Variants in HNRNPUL2 observed in about 807,000 individuals in gnomAD.
The protein encoded by HNRNPUL2 is heterogeneous nuclear ribonucleoprotein U-like protein 2.
Under a neutral mutation model 102.2 loss-of-function variants are expected in HNRNPUL2, and 27 were observed. That is an observed-to-expected ratio of 0.26 (90% CI 0.19 to 0.36). The LOEUF (loss-of-function observed/expected upper bound fraction) is 0.36. HNRNPUL2 is among the 10% of genes least tolerant of loss of function. HNRNPUL2 has a pLI of 1.00. For synonymous variants in HNRNPUL2, 458 were observed against 387.2 expected (o/e 1.18, Z -2.15); for missense variants, 936 against 981.1 (o/e 0.95, Z 0.61).
rs2083647762 is a variant in HNRNPUL2 at position 62,714,960 on chromosome 11, T to C, written c.*339A>G. ...ATGTCAGAAGGGTGCCATTTTCAGT[T>C]CTTTTCCTGTCTGACTGTAGGGTAT... On this transcript the variant is annotated 3_prime_UTR_variant, in exon 14 of 14. Transcript: ENST00000301785. 4 of 201,170 alleles carry C rather than the reference T, an allele frequency of 2.0e-5. No individual in the cohort carries two copies. In the South Asian group the frequency reaches 3.7e-4, roughly 19 times the overall value. The allele number at this position is 201,170 out of a possible 1,614,324, so 12.5% of individuals were successfully genotyped here.
intron 9 of HNRNPUL2, among the ~76,000 whole-genome samples, chr11:62,720,546 CAAAAAAAAAA>C (rs148876571): frequency 7.6e-5 from 10 of 131,518 alleles, no homozygotes; most frequent in African/African-American, 2.9e-4. Flanking sequence ...GATTCCATCT[CAAAAAAAAAA>C]AAAAAAAAAA....
chr11:62,723,778 G>T (rs574978813), intron 3 of HNRNPUL2, 52 bp from the exon 4 acceptor site: 1 of 1,611,230 alleles, frequency 6.2e-7, no homozygotes. Flanking sequence ...CTTGTAAGCC[G>T]CCAACAGAGC....
intron 10 of HNRNPUL2, among the ~76,000 whole-genome samples, chr11:62,718,585 CA>C (rs2083677285): frequency 6.6e-6 from 1 of 150,490 alleles, no homozygotes; most frequent in Non-Finnish European, 1.5e-5. Flanking sequence ...CCCAGCTACT[CA>C]AGAGGCTGAG....
In HNRNPUL2 at chr11:62,722,228, C is replaced by T; in HGVS notation, c.1248G>A (p.Gln416=). ...GTGGTGGGAAGAAGGGCTCCTCCTT[C>T]TGACCGAAGTTTAATTCTACAACAC... ...KNCVVELNFG[Q]KEEPFFPPPE... The change falls in exon 7 of 14, where the codon CAG becomes CAA. Residue 416 remains glutamine, a synonymous_variant. Coordinates refer to ENST00000301785, the MANE Select transcript of HNRNPUL2 (RefSeq NM_001079559.3). The T allele has an allele frequency of 3.1e-6, 5 of 1,614,176 alleles. No individual in the cohort carries two copies. Among genetic ancestry groups the T allele is most frequent in the Non-Finnish European group, 4.2e-6 (5 of 1,180,026 alleles).
chr11:62,722,839 G>C lies in HNRNPUL2; in HGVS notation c.956C>G (p.Ser319Cys), dbSNP rs760788798. The C allele has an allele frequency of 1.9e-6, 3 of 1,614,082 alleles. No individual in the cohort carries two copies. The South Asian group carries it at 3.3e-5, about 18-fold the overall frequency. ...TEVSLLRVGWSVDFSRPQLGE... is the reference protein window; with the variant it reads ...TEVSLLRVGWCVDFSRPQLGE... ...AAGCTGTGGACGGGAAAAATCAACA[G>C]ACCACCCAACTCGAAGGAGAGAGAC... The change falls in exon 5 of 14, where the codon TCT (serine) becomes TGT (cysteine). Residue 319 changes from serine to cysteine, a missense_variant. Coordinates refer to ENST00000301785, the MANE Select transcript of HNRNPUL2 (RefSeq NM_001079559.3).
Position 62,715,908 on chromosome 11 carries a change from G to T in HNRNPUL2, c.2011C>A (p.Arg671=). ...VGGQRRGYDN[R]AYGQQYWGQP... Reference sequence around the variant, plus strand: ...CCCCAGTACTGCTGCCCGTAGGCCCGGTTGTCGTAGCCTCGGCGCTGCCCG... The same window carrying T: ...CCCCAGTACTGCTGCCCGTAGGCCCTGTTGTCGTAGCCTCGGCGCTGCCCG... Residue 671 remains arginine, a synonymous_variant, in exon 12 of 14, where the codon CGG becomes AGG. Transcript: ENST00000301785. The T allele has an allele frequency of 2.5e-6, 4 of 1,611,630 alleles. No individual in the cohort carries two copies. The highest frequency in any genetic ancestry group is 3.4e-6 in the Non-Finnish European group (4 of 1,178,902).
In HNRNPUL2 at chr11:62,723,743, A is replaced by T. The variant is rs2083722398; in HGVS notation, c.752-17T>A. ...CCGAGGTATCTGTAAAGAAAGAAGC[A>T]ATCAGTTTACTCCAATGTCCAATAC... On this transcript the variant is annotated splice_polypyrimidine_tract_variant and intron_variant, in intron 3 of 13. Transcript: ENST00000301785. The T allele has an allele frequency of 1.9e-6, 3 of 1,614,060 alleles. No homozygotes were observed. In the African/African-American group the frequency reaches 4.0e-5, roughly 22 times the overall value.
intron 4 of HNRNPUL2, among the ~76,000 whole-genome samples, chr11:62,723,190 T>TA (rs980795813): frequency 2.6e-5 from 4 of 152,142 alleles, no homozygotes; most frequent in African/African-American, 9.7e-5. Context: ...ACGGTCTTTT[T>TA]AAAAAAATAT....
chr11:62,718,879 G>T (rs2083679986), intron 10 of HNRNPUL2, among the ~76,000 whole-genome samples: 1 of 151,242 alleles, frequency 6.6e-6, no homozygotes, highest in African/African-American at 2.4e-5. Context: ...AGGCTGGAGT[G>T]CAGTGGCACA....
At position 62,720,164 on chromosome 11, in the gene HNRNPUL2, G is replaced by A. The variant is rs761865412; in HGVS notation, c.1639C>T (p.Arg547Trp). 6 of 1,613,848 alleles carry A rather than the reference G, an allele frequency of 3.7e-6. No homozygotes were observed. Among genetic ancestry groups the A allele is most frequent in the Admixed American group, 3.3e-5 (2 of 59,988 alleles). ...AAGGTCTTGAACAGCAATAGCTTCCGCCGTTGGCCAGAATTGTACACATTA... is the reference window on the plus strand; with the variant it reads ...AAGGTCTTGAACAGCAATAGCTTCCACCGTTGGCCAGAATTGTACACATTA... ...QCNVYNSGQR[R>W]KLLLFKTFSR... The change falls in exon 10 of 14, where the codon CGG becomes TGG. Residue 547 changes from arginine (R) to tryptophan (W), a missense_variant. Physicochemically the swap from Arg to Trp is moderately radical, Grantham distance 101. This residue lies in a region of HNRNPUL2 where 609 missense variants were observed against 713.0 expected (regional missense o/e 0.85). Coordinates refer to ENST00000301785, the MANE Select transcript of HNRNPUL2 (RefSeq NM_001079559.3).
chr11:62,722,525 G>A, intron 6 of HNRNPUL2, 76 bp downstream of exon 6: 1 of 1,427,710 alleles, frequency 7.0e-7, no homozygotes, highest in Non-Finnish European at 9.9e-7. Context: ...GCCAGCAGTT[G>A]ATGGGAAGCA....
chr11:62,721,552 C>T, intron 8 of HNRNPUL2, 129 bp from the exon 9 acceptor site: 3 of 935,640 alleles, frequency 3.2e-6, no homozygotes, highest in Non-Finnish European at 4.8e-6. Context: ...TATTCCCATT[C>T]TTCAGTGCTG....
chr11:62,715,034 A>G lies in HNRNPUL2; in HGVS notation c.*265T>C, dbSNP rs1272734499. On this transcript the variant is annotated 3_prime_UTR_variant, in exon 14 of 14. Transcript: ENST00000301785. ...CTTTCTGCGCAAATGTTTTTTGATT[A>G]CAAATCTCTAACTAGGTTTGAAATG... 4.8e-6 allele frequency: 2 copies of G among 413,492 alleles called. No individual in the cohort carries two copies. Among genetic ancestry groups the G allele is most frequent in the African/African-American group, 4.0e-5 (2 of 49,466 alleles). 25.6% of individuals were successfully genotyped at this position (413,492 alleles called of 1,614,324 possible).
At position 62,724,430 on chromosome 11, in the gene HNRNPUL2, CA is replaced by C. The variant is rs1421699063; in HGVS notation, c.539-5del. ...TTTTCACTATCCTGGTCATCTCCTACAAAAACGAGGGAAAGAAAATCAGCAG... is the reference window on the plus strand; with the variant it reads ...TTTTCACTATCCTGGTCATCTCCTACAAAACGAGGGAAAGAAAATCAGCAG... On this transcript the variant is annotated splice_polypyrimidine_tract_variant and splice_region_variant and intron_variant, in intron 1 of 13. Transcript: ENST00000301785. The C allele has an allele frequency of 6.2e-7, 1 of 1,614,078 alleles. No homozygotes were observed. The highest frequency in any genetic ancestry group is 8.5e-7 in the Non-Finnish European group (1 of 1,179,974).
Position 62,714,289 on chromosome 11 carries a change from T to TA in HNRNPUL2, c.*1009dup, listed in dbSNP as rs1280925004. On this transcript the variant is annotated 3_prime_UTR_variant, in exon 14 of 14. Coordinates refer to ENST00000301785, the MANE Select transcript of HNRNPUL2 (RefSeq NM_001079559.3). ...GAGCCCACACCACAGGATTCACCTA[T>TA]ATACATATCCCGCTGCAGTGAAAAG... 19 of 152,324 alleles carry TA rather than the reference T, an allele frequency of 1.2e-4. No individual in the cohort carries two copies. The East Asian group carries it at 2.9e-3, about 23-fold the overall frequency. 9.4% of individuals were successfully genotyped at this position (152,324 alleles called of 1,614,324 possible).
At position 62,722,372 on chromosome 11, in the gene HNRNPUL2, C is replaced by T. The variant is rs2083709503; in HGVS notation, c.1104G>A (p.Glu368=). The change falls in exon 7 of 14, where the codon GAG becomes GAA. Residue 368 remains glutamate, a synonymous_variant. Transcript: ENST00000301785. ...AGAAGGAAAGTTCTACTTCTTCAGT[C>T]TCAAAATTCTACAATGACAAGGGAC... is the stretch of plus-strand genomic sequence containing the variant. The part of the protein sequence containing the change: ...NDVIGCFANF[E]TEEVELSFSK... 1.9e-6 allele frequency: 3 copies of T among 1,613,422 alleles called. No homozygotes were observed. The highest frequency in any genetic ancestry group is 2.2e-5 in the South Asian group (2 of 91,058).
At position 62,713,035 on chromosome 11, in the gene HNRNPUL2, C is replaced by G. The variant is rs1001506749; in HGVS notation, c.*2264G>C. On this transcript the variant is annotated 3_prime_UTR_variant, in exon 14 of 14. Transcript: ENST00000301785. ...CATCTACTGTTGTTGCAAATGATCT[C>G]TTGGACTAAACCAACAAGGATGTGG... 6.6e-6 allele frequency: 1 copy of G among 152,244 alleles called. No homozygotes were observed. The highest frequency in any genetic ancestry group is 2.4e-5 in the African/African-American group (1 of 41,464). The allele number at this position is 152,244 out of a possible 1,614,324, so 9.4% of individuals were successfully genotyped here. A position where few individuals can be genotyped will look rare whatever the true frequency, so the allele number is the denominator to read the frequency against.
At chr11:62,718,461 G>A (rs2083676452) in intron 10 of HNRNPUL2, among the ~76,000 whole-genome samples, 1 of 152,070 alleles carries the variant, frequency 6.6e-6, no homozygotes, top group African/African-American at 2.4e-5. Flanking sequence ...AGCACTTTGG[G>A]AGGCCGAGGC....
intron 8 of HNRNPUL2, 68 bp from the exon 9 acceptor site, chr11:62,721,491 G>C (rs745481959): frequency 2.5e-5 from 35 of 1,408,554 alleles, no homozygotes; most frequent in Non-Finnish European, 3.3e-5. Context: ...TAAAGCCCAA[G>C]AGTTATTGGT....
Sources: allele counts gnomAD v4.1 joint callset (sites outside exome capture counted in the v4.1 genomes callset), GRCh38; gene constraint gnomAD v4.1.1; regional missense constraint gnomAD v4.1.1; transcripts MANE v1.5; gene names NCBI Gene and HGNC (gene_info 2026-07-23, HGNC 2026-07-21).